Variants in PPA2 observed in about 807,000 individuals in gnomAD.
PPA2 encodes inorganic pyrophosphatase 2, mitochondrial.
Under a neutral mutation model 49.5 loss-of-function variants are expected in PPA2, and 48 were observed. The observed-to-expected ratio is 0.97, with a 90% CI of 0.77 to 1.23. The LOEUF is 1.23. Ranked by LOEUF, PPA2 falls within the 50% of genes most tolerant of loss-of-function variation. PPA2 has a pLI of 0.00. For synonymous variants in PPA2, 131 were observed against 139.9 expected, an observed-to-expected ratio of 0.94 and a Z score of 0.45; for missense variants, 429 against 410.1, an observed-to-expected ratio of 1.05 and a Z score of -0.40.
intron 10 of PPA2, among the ~76,000 whole-genome samples, chr4:105,380,403 A>G (rs147024171): frequency 9.9e-5 from 15 of 152,268 alleles, no homozygotes; most frequent in Admixed American, 3.3e-4. Context: ...ATTCTGCCTA[A>G]AGGCTTACCA....
chr4:105,382,301 A>C (rs1222838116), intron 10 of PPA2, among the ~76,000 whole-genome samples: 1 of 152,098 alleles, frequency 6.6e-6, no homozygotes, highest in African/African-American at 2.4e-5. Context: ...CCTAATATCT[A>C]CTCAATTTTT....
intron 7 of PPA2, among the ~76,000 whole-genome samples, chr4:105,413,063 A>G (rs529462937): frequency 6.6e-6 from 1 of 152,356 alleles, no homozygotes; most frequent in African/African-American, 2.4e-5. Flanking sequence ...TCATAATAGC[A>G]AAGACTTGGA....
intron 7 of PPA2, chr4:105,405,209 T>C (rs1722405205): frequency 5.4e-6 from 4 of 739,940 alleles, no homozygotes; most frequent in East Asian, 1.3e-4. Context: ...GAAAAATCAA[T>C]GTAGGTAGGC....
At chr4:105,369,853 G>A in intron 11 of PPA2, 100 bp from the exon 12 acceptor site, 1 of 1,118,630 alleles carries the variant, frequency 8.9e-7, no homozygotes, top group Admixed American at 1.7e-5. Flanking sequence ...GAAGTATTTA[G>A]GCAGATACAA....
intron 5 of PPA2, chr4:105,446,162 T>G: frequency 5.2e-6 from 2 of 384,756 alleles, no homozygotes; most frequent in South Asian, 2.2e-4. Flanking sequence ...ATGTGAACAT[T>G]CCATATGCCT....
At chr4:105,426,167 A>C (rs755067160) in intron 6 of PPA2, among the ~76,000 whole-genome samples, 4 of 152,218 alleles carry the variant, frequency 2.6e-5, no homozygotes, top group Admixed American at 2.6e-4. Flanking sequence ...ATATATATAC[A>C]TAATGACTTA....
At chr4:105,380,440 C>A (rs1733442089) in intron 10 of PPA2, among the ~76,000 whole-genome samples, 1 of 152,110 alleles carries the variant, frequency 6.6e-6, no homozygotes, top group African/African-American at 2.4e-5. Context: ...AAAGAACTAG[C>A]TTTTGGCTTC....
intron 7 of PPA2, among the ~76,000 whole-genome samples, chr4:105,416,054 G>C (rs1722991400): frequency 6.6e-6 from 1 of 152,134 alleles, no homozygotes; most frequent in Non-Finnish European, 1.5e-5. Flanking sequence ...TGTCCAACCA[G>C]CAGAAAAGAA....
At chr4:105,437,909 C>A in intron 6 of PPA2, 41 bp downstream of exon 6, 1 of 1,502,568 alleles carries the variant, frequency 6.7e-7, no homozygotes, top group Middle Eastern at 1.7e-4. Context: ...CATGAATAAA[C>A]CAAAACTCAC....
chr4:105,417,095 A>G (rs985205565), intron 7 of PPA2, among the ~76,000 whole-genome samples: 3 of 152,246 alleles, frequency 2.0e-5, no homozygotes, highest in African/African-American at 7.2e-5. Flanking sequence ...AGGAATTCAA[A>G]TATTTCTAAT....
Position 105,369,609 on chromosome 4 carries a change from GT to G in PPA2, c.*115del. 1 of 936,804 alleles carries G rather than the reference GT, an allele frequency of 1.1e-6. No homozygotes were observed. The highest frequency in any genetic ancestry group is 1.7e-6 in the Non-Finnish European group (1 of 591,322). 58.0% of individuals were successfully genotyped at this position (936,804 alleles called of 1,614,324 possible). On this transcript the variant is annotated 3_prime_UTR_variant, in exon 12 of 12. Coordinates refer to ENST00000341695, the MANE Select transcript of PPA2 (RefSeq NM_176869.3). ...ATTTATATATTGCATAGCTCAAAAA[GT>G]TTGAAAAAATGAAGTTTTAACAGGA...
chr4:105,420,784 C>T (rs527729124), intron 7 of PPA2, among the ~76,000 whole-genome samples: 1 of 152,176 alleles, frequency 6.6e-6, no homozygotes, highest in South Asian at 2.1e-4. Flanking sequence ...GTAGAACTAA[C>T]CAAGCATTGA....
At chr4:105,410,028 C>T (rs1422426109) in intron 7 of PPA2, among the ~76,000 whole-genome samples, 1 of 152,198 alleles carries the variant, frequency 6.6e-6, no homozygotes, top group South Asian at 2.1e-4. Context: ...TGCAGCTCCT[C>T]GCCAGCAATG....
At chr4:105,417,425 A>G (rs954188144) in intron 7 of PPA2, among the ~76,000 whole-genome samples, 1 of 152,150 alleles carries the variant, frequency 6.6e-6, no homozygotes, top group Non-Finnish European at 1.5e-5. Flanking sequence ...CCACTCTACA[A>G]TTTTAAGAAA....
intron 7 of PPA2, among the ~76,000 whole-genome samples, chr4:105,409,915 ACAT>A (rs751100981): frequency 1.3e-5 from 2 of 152,224 alleles, no homozygotes; most frequent in Non-Finnish European, 1.5e-5. Flanking sequence ...TAGCTCACCA[ACAT>A]CAAAGACCAA....
chr4:105,388,450 C>A (rs1308509200), intron 9 of PPA2, among the ~76,000 whole-genome samples: 1 of 151,728 alleles, frequency 6.6e-6, no homozygotes, highest in Non-Finnish European at 1.5e-5. Context: ...TTAAAAATAT[C>A]TCTGATAAAA....
chr4:105,429,149 T>C (rs1560627061), intron 6 of PPA2, among the ~76,000 whole-genome samples: 1 of 152,202 alleles, frequency 6.6e-6, no homozygotes. Context: ...GCAAAACCTT[T>C]AATTTCATTC....
intron 2 of PPA2, among the ~76,000 whole-genome samples, chr4:105,455,586 A>G (rs528629824): frequency 9.2e-5 from 14 of 152,328 alleles, no homozygotes; most frequent in Admixed American, 2.0e-4. Context: ...GATAAACCAT[A>G]TCAAGCAGGG....
intron 7 of PPA2, chr4:105,405,306 T>C: frequency 1.3e-6 from 1 of 742,860 alleles, no homozygotes; most frequent in Non-Finnish European, 1.6e-6. Flanking sequence ...TGCATACTTA[T>C]TAATAACTTT....
Sources: gnomAD v4.1 joint callset for allele counts (sites outside exome capture counted in the v4.1 genomes callset) on GRCh38, gnomAD v4.1.1 for gene constraint, MANE v1.5 for transcripts, NCBI Gene and HGNC (gene_info 2026-07-23, HGNC 2026-07-21) for gene names.